The following CNTN5 variants were observed in gnomAD, a reference collection of about 807,000 sequenced individuals.
CNTN5 encodes the protein contactin-5.
CNTN5 carries 77 observed loss-of-function variants against 129.1 expected under a neutral mutation model. That is an observed-to-expected ratio of 0.60 (90% CI 0.50 to 0.72). The LOEUF (loss-of-function observed/expected upper bound fraction) is 0.72. Among genes scored for constraint, CNTN5 ranks in the 30% least tolerant of loss-of-function variants. The pLI is 0.00. For missense variants in CNTN5, 1,478 were observed against 1,328.8 expected, an observed-to-expected ratio of 1.11 and a Z score of -1.75; for synonymous variants, 509 against 465.6, an observed-to-expected ratio of 1.09 and a Z score of -1.20.
Position 99,692,614 on chromosome 11 carries a change from T to C in CNTN5, c.56-126930T>C, listed in dbSNP as rs571132114. The stretch of plus-strand genomic sequence containing the variant: ...ACTGAGAGGTCCACTGTTAATCTGT[T>C]GGGCTTCCCTTTTTTCATGACCTGA... On this transcript the variant is annotated intron_variant, in intron 3 of 24. Transcript: ENST00000524871. Among the ~76,000 whole-genome samples the C allele has an allele frequency of 3.3e-5, 5 of 152,298 alleles. No homozygotes were observed. The South Asian group carries it at 1.0e-3, about 32-fold the overall frequency.
chr11:99,390,623 AAAG>A (rs1195498983), intron 2 of CNTN5, among the ~76,000 whole-genome samples: 22 of 152,180 alleles, frequency 1.4e-4, no homozygotes, highest in Non-Finnish European at 3.1e-4. Context: ...ATGAATAATT[AAAG>A]AATAGTTTGT....
At chr11:99,914,013 A>G (rs1456978971) in intron 6 of CNTN5, among the ~76,000 whole-genome samples, 1 of 152,098 alleles carries the variant, frequency 6.6e-6, no homozygotes, top group Admixed American at 6.6e-5. Flanking sequence ...ACTTTGGGAA[A>G]CAGAGGCCAG....
At chr11:99,962,178 CT>C (rs1213602494) in intron 8 of CNTN5, among the ~76,000 whole-genome samples, 12 of 151,758 alleles carry the variant, frequency 7.9e-5, no homozygotes, top group Admixed American at 7.2e-4. Flanking sequence ...TTTATTATAC[CT>C]TAAGTTTTAG....
At chr11:99,886,112 CTA>C (rs1948895250) in intron 6 of CNTN5, among the ~76,000 whole-genome samples, 1 of 151,936 alleles carries the variant, frequency 6.6e-6, no homozygotes, top group Non-Finnish European at 1.5e-5. Context: ...AAAGTCAAAA[CTA>C]TAAAACATTT....
At chr11:99,496,849 G>T (rs1400051493) in intron 2 of CNTN5, among the ~76,000 whole-genome samples, 1 of 152,190 alleles carries the variant, frequency 6.6e-6, no homozygotes, top group Non-Finnish European at 1.5e-5. Context: ...CCTGTGTAAA[G>T]TCAACCCTAA....
intron 3 of CNTN5, among the ~76,000 whole-genome samples, chr11:99,790,159 T>C: frequency 6.6e-6 from 1 of 152,102 alleles, no homozygotes; most frequent in South Asian, 2.1e-4. Flanking sequence ...TTCTATGGTG[T>C]ACATGTGCCA....
In CNTN5 at chr11:99,750,691, A is replaced by G. The variant is rs79007861; in HGVS notation, c.56-68853A>G. ...CTCTTCCTTAAGAGACAGAAGAATTAGAAATACCACATGCAATAAGTGAAA... is the reference window on the plus strand; with the variant it reads ...CTCTTCCTTAAGAGACAGAAGAATTGGAAATACCACATGCAATAAGTGAAA... On this transcript the variant is annotated intron_variant, in intron 3 of 24. Coordinates refer to ENST00000524871, the MANE Select transcript of CNTN5 (RefSeq NM_014361.4). Among the ~76,000 whole-genome samples the G allele has an allele frequency of 1.4e-3, 207 of 152,356 alleles. 1 individual carries two copies. The highest frequency in any genetic ancestry group is 4.8e-3 in the African/African-American group (200 of 41,592).
chr11:99,274,993 A>G (rs907273852), intron 1 of CNTN5, among the ~76,000 whole-genome samples: 2 of 151,584 alleles, frequency 1.3e-5, no homozygotes, highest in African/African-American at 4.8e-5. Context: ...GTACAAAATA[A>G]TGCAAGTATC....
At chr11:99,425,548 C>A (rs1943082249) in intron 2 of CNTN5, among the ~76,000 whole-genome samples, 1 of 152,214 alleles carries the variant, frequency 6.6e-6, no homozygotes, top group Non-Finnish European at 1.5e-5. Flanking sequence ...ATAACAGCAC[C>A]ACCCCAAATG....
At chr11:100,070,013 A>C (rs1166322815) in intron 10 of CNTN5, among the ~76,000 whole-genome samples, 1 of 152,140 alleles carries the variant, frequency 6.6e-6, no homozygotes, top group Non-Finnish European at 1.5e-5. Flanking sequence ...ATATATATAC[A>C]CAGAGAGATA....
chr11:100,007,530 C>T (rs975198301), intron 9 of CNTN5, among the ~76,000 whole-genome samples: 4 of 152,088 alleles, frequency 2.6e-5, no homozygotes, highest in African/African-American at 2.4e-5. Context: ...ATAAAGATAG[C>T]TTCTTTCCTT....
intron 3 of CNTN5, among the ~76,000 whole-genome samples, chr11:99,649,522 G>A (rs1952080829): frequency 6.6e-6 from 1 of 151,812 alleles, no homozygotes; most frequent in African/African-American, 2.4e-5. Flanking sequence ...TTTGAATAAT[G>A]AGCAGATACT....
chr11:99,694,157 AC>A (rs764054110), intron 3 of CNTN5, among the ~76,000 whole-genome samples: 1 of 152,088 alleles, frequency 6.6e-6, no homozygotes, highest in Non-Finnish European at 1.5e-5. Flanking sequence ...GAAATATATC[AC>A]AATACGGCTC....
intron 6 of CNTN5, among the ~76,000 whole-genome samples, chr11:99,868,230 A>C (rs1371152085): frequency 1.3e-5 from 2 of 152,070 alleles, no homozygotes; most frequent in South Asian, 2.1e-4. Context: ...AAAAAAAAAA[A>C]ACAAAAAATT....
intron 16 of CNTN5, among the ~76,000 whole-genome samples, chr11:100,254,272 T>C (rs1312509395): frequency 1.5e-5 from 2 of 136,744 alleles, no homozygotes; most frequent in Non-Finnish European, 2.9e-5. Flanking sequence ...TTTCCTGTTA[T>C]ATCCTCCAGC....
chr11:100,255,747 C>T lies in CNTN5; in HGVS notation c.2006-13C>T. ...ATTTGTGCTTAACTTTATCCATTGC[C>T]TTTGACCTATAGGACCCCCAGGCCC... On this transcript the variant is annotated splice_polypyrimidine_tract_variant and intron_variant, in intron 16 of 24. Transcript: ENST00000524871. The T allele has an allele frequency of 6.2e-7, 1 of 1,612,494 alleles. No homozygotes were observed. The highest frequency in any genetic ancestry group is 8.5e-7 in the Non-Finnish European group (1 of 1,178,888).
intron 2 of CNTN5, among the ~76,000 whole-genome samples, chr11:99,454,944 G>A (rs1944443333): frequency 6.6e-6 from 1 of 152,036 alleles, no homozygotes; most frequent in African/African-American, 2.4e-5. Context: ...TAAGCATTGA[G>A]CCAACACAAA....
At chr11:99,106,476 G>T (rs1867001657) in intron 1 of CNTN5, among the ~76,000 whole-genome samples, 1 of 151,904 alleles carries the variant, frequency 6.6e-6, no homozygotes, top group Admixed American at 6.6e-5. Flanking sequence ...CAATTTTGGA[G>T]AATATTAAAT....
chr11:99,782,402 C>T (rs1020218594), intron 3 of CNTN5, among the ~76,000 whole-genome samples: 1 of 149,396 alleles, frequency 6.7e-6, no homozygotes, highest in Non-Finnish European at 1.5e-5. Flanking sequence ...GCCATACTGC[C>T]CAAGGTAATT....
Sources: allele counts gnomAD v4.1 joint callset (sites outside exome capture counted in the v4.1 genomes callset), GRCh38; gene constraint gnomAD v4.1.1; transcripts MANE v1.5; gene names NCBI Gene and HGNC (gene_info 2026-07-23, HGNC 2026-07-21).